ADAMTS17: variants seen among roughly 807,000 people sequenced by gnomAD.
The protein encoded by ADAMTS17 is ADAM metallopeptidase with thrombospondin type 1 motif 17, also known as A disintegrin and metalloproteinase with thrombospondin motifs 17.
A neutral mutation model predicts 141.5 loss-of-function variants in ADAMTS17; 113 were observed. The ratio of observed to expected loss-of-function variants is 0.80; its 90% confidence interval spans 0.69 to 0.93. The LOEUF is 0.93. Among genes scored for constraint, ADAMTS17 ranks in the 40% least tolerant of loss-of-function variants. ADAMTS17 has a pLI of 0.00. For synonymous variants in ADAMTS17, 768 were observed against 630.6 expected, an observed-to-expected ratio of 1.22 and a Z score of -3.27; for missense variants, 1,659 against 1,517.9, an observed-to-expected ratio of 1.09 and a Z score of -1.54.
rs527743746 is a variant in ADAMTS17 at position 100,173,655 on chromosome 15, C to T, written c.1182-18335G>A. On this transcript the variant is annotated intron_variant, in intron 8 of 21. Coordinates refer to ENST00000268070, the MANE Select transcript of ADAMTS17 (RefSeq NM_139057.4). ...CCAGACCTCTCTCTTATTCACTGGA[C>T]TCTGCAAGTGGCAAGCTACTGAGCC... Among the ~76,000 whole-genome samples, 6 of 152,362 alleles carry T rather than the reference C, an allele frequency of 3.9e-5. No homozygotes were observed. In the East Asian group the frequency reaches 7.7e-4, roughly 20 times the overall value.
rs543986466 is a variant in ADAMTS17 at position 100,065,772 on chromosome 15, T to C, written c.2138-11718A>G. Among the ~76,000 whole-genome samples, 139 of 152,314 alleles carry C rather than the reference T, an allele frequency of 9.1e-4. 1 individual carries two copies. The highest frequency in any genetic ancestry group is 1.7e-3 in the South Asian group (8 of 4,828). ...TGAATGTGCAGGTTTGTTACATATG[T>C]ATACATGTGCCATGGTGGTTTGCTG... On this transcript the variant is annotated intron_variant, in intron 15 of 21. Coordinates refer to ENST00000268070, the MANE Select transcript of ADAMTS17 (RefSeq NM_139057.4).
At chr15:100,199,269 C>T (rs1248593372) in intron 8 of ADAMTS17, 49 bp downstream of exon 8, 3 of 1,539,532 alleles carry the variant, frequency 1.9e-6, no homozygotes, top group East Asian at 4.5e-5. Context: ...AAAATCTGCA[C>T]TCAAAAAGGA....
In ADAMTS17 at chr15:100,199,376, G is replaced by A. The variant is rs1236988122; in HGVS notation, c.1123C>T (p.Leu375Phe). Residue 375 changes from leucine (L) to phenylalanine (F), a missense_variant, in exon 8 of 22, where the codon CTT becomes TTT. By Grantham distance (22) the Leu-to-Phe change is conservative. Coordinates refer to ENST00000268070, the MANE Select transcript of ADAMTS17 (RefSeq NM_139057.4). Reference sequence around the variant, plus strand: ...AAATTGAGACCATTGTCTTCGGCAAGCACACACTTCCTCTTAGCACTGCAC... The same window carrying A: ...AAATTGAGACCATTGTCTTCGGCAAACACACACTTCCTCTTAGCACTGCAC... ...GVCSAKRKCVLAEDNGLNLAF... is the reference protein window; with the variant it reads ...GVCSAKRKCVFAEDNGLNLAF... 6.2e-7 allele frequency: 1 copy of A among 1,614,086 alleles called. No individual in the cohort carries two copies. Among genetic ancestry groups the A allele is most frequent in the African/African-American group, 1.3e-5 (1 of 74,940 alleles).
At position 99,974,292 on chromosome 15, in the gene ADAMTS17, T is replaced by C. The variant is rs990860148; in HGVS notation, c.*110A>G. Reference sequence around the variant, plus strand: ...AAGTCCACGCTCATGTTCTATGTAGTTGGATTCTTGTGGCAGCCGGGTGGG... The same window carrying C: ...AAGTCCACGCTCATGTTCTATGTAGCTGGATTCTTGTGGCAGCCGGGTGGG... On this transcript the variant is annotated 3_prime_UTR_variant, in exon 22 of 22. Coordinates refer to ENST00000268070, the MANE Select transcript of ADAMTS17 (RefSeq NM_139057.4). The C allele has an allele frequency of 7.0e-7, 1 of 1,418,540 alleles. No homozygotes were observed. Among genetic ancestry groups the C allele is most frequent in the African/African-American group, 1.4e-5 (1 of 70,860 alleles). 87.9% of individuals were successfully genotyped at this position (1,418,540 alleles called of 1,614,324 possible).
chr15:100,123,906 G>A (rs1448806287), intron 12 of ADAMTS17, among the ~76,000 whole-genome samples: 1 of 152,164 alleles, frequency 6.6e-6, no homozygotes, highest in East Asian at 1.9e-4. Context: ...CAGTCATCGG[G>A]GTGTGATGGG....
intron 4 of ADAMTS17, among the ~76,000 whole-genome samples, chr15:100,267,461 C>G (rs1476776612): frequency 6.6e-6 from 1 of 152,204 alleles, no homozygotes; most frequent in African/African-American, 2.4e-5. Context: ...ATACCTCTTC[C>G]AGGCTCTGCT....
intron 8 of ADAMTS17, among the ~76,000 whole-genome samples, chr15:100,187,758 A>AGT (rs779020196): frequency 2.6e-5 from 4 of 152,200 alleles, no homozygotes; most frequent in Non-Finnish European, 5.9e-5. Flanking sequence ...GGTCCCTGGC[A>AGT]GTGAGGGTGG....
In ADAMTS17 at chr15:100,324,262, G is replaced by A. The variant is rs571558345; in HGVS notation, c.616+6627C>T. Among the ~76,000 whole-genome samples, 6 of 152,070 alleles carry A rather than the reference G, an allele frequency of 3.9e-5. No individual in the cohort carries two copies. In the South Asian group the frequency reaches 6.2e-4, roughly 16 times the overall value. On this transcript the variant is annotated intron_variant, in intron 3 of 21. Coordinates refer to ENST00000268070, the MANE Select transcript of ADAMTS17 (RefSeq NM_139057.4). ...AGATTTTGCAGTGAGCCGAGATCAC[G>A]CCACTACACTCTAGCCAGGGTGACA...
chr15:100,151,911 G>A (rs556537448), intron 10 of ADAMTS17, among the ~76,000 whole-genome samples: 11 of 152,334 alleles, frequency 7.2e-5, no homozygotes, highest in African/African-American at 2.2e-4. Context: ...TGTGCAATCA[G>A]GGGTGAATGA....
chr15:100,036,758 A>G (rs2727186), intron 18 of ADAMTS17, among the ~76,000 whole-genome samples: 1 of 151,928 alleles, frequency 6.6e-6, no homozygotes, highest in African/African-American at 2.4e-5. Flanking sequence ...CCTCATTAGC[A>G]CTAGGCACCC....
chr15:100,164,610 C>T (rs1044178624), intron 8 of ADAMTS17, among the ~76,000 whole-genome samples: 5 of 152,202 alleles, frequency 3.3e-5, no homozygotes, highest in Admixed American at 1.3e-4. Flanking sequence ...AAGCAAGTTG[C>T]AGCCCCTCGA....
chr15:100,116,468 A>C (rs1031335178), intron 13 of ADAMTS17, among the ~76,000 whole-genome samples: 1 of 152,274 alleles, frequency 6.6e-6, no homozygotes, highest in African/African-American at 2.4e-5. Context: ...TCCACATTGG[A>C]AAGCCAGAGA....
At chr15:100,165,386 GCCTCCCCCCAATGCCT>G (rs1410470651) in intron 8 of ADAMTS17, among the ~76,000 whole-genome samples, 1 of 152,146 alleles carries the variant, frequency 6.6e-6, no homozygotes, top group African/African-American at 2.4e-5. Flanking sequence ...CCCACAGCGT[GCCTCCCCCCAATGCCT>G]CCTGGGCATG....
chr15:100,210,993 CG>C (rs893331279), intron 7 of ADAMTS17, among the ~76,000 whole-genome samples: 4 of 151,746 alleles, frequency 2.6e-5, no homozygotes, highest in African/African-American at 9.7e-5. Flanking sequence ...CCCAGCTACT[CG>C]GGGGCTGAGG....
chr15:100,286,432 T>C (rs1232550874), intron 3 of ADAMTS17, among the ~76,000 whole-genome samples: 1 of 152,072 alleles, frequency 6.6e-6, no homozygotes, highest in Non-Finnish European at 1.5e-5. Flanking sequence ...ATCGAAGTGT[T>C]GGGGCCAGCA....
At chr15:99,998,535 T>C (rs1323102561) in intron 18 of ADAMTS17, among the ~76,000 whole-genome samples, 1 of 151,986 alleles carries the variant, frequency 6.6e-6, no homozygotes, top group Non-Finnish European at 1.5e-5. Flanking sequence ...ACCCAGGGGG[T>C]GGAGGTTGCA....
chr15:100,135,949 G>A (rs541925995), intron 10 of ADAMTS17, among the ~76,000 whole-genome samples: 1 of 152,182 alleles, frequency 6.6e-6, no homozygotes, highest in Non-Finnish European at 1.5e-5. Context: ...GAACAATGGG[G>A]CACAATGGGT....
At chr15:100,255,357 C>T (rs1183330547) in intron 6 of ADAMTS17, among the ~76,000 whole-genome samples, 1 of 152,158 alleles carries the variant, frequency 6.6e-6, no homozygotes, top group Non-Finnish European at 1.5e-5. Context: ...CGCTTGAGAT[C>T]CACACTTTTC....
At chr15:100,086,432 A>G (rs1163159871) in intron 15 of ADAMTS17, among the ~76,000 whole-genome samples, 1 of 151,936 alleles carries the variant, frequency 6.6e-6, no homozygotes, top group East Asian at 1.9e-4. Flanking sequence ...CATTAGACAG[A>G]TCAACGAGAC....
Sources: allele counts gnomAD v4.1 joint callset (sites outside exome capture counted in the v4.1 genomes callset), GRCh38; gene constraint gnomAD v4.1.1; transcripts MANE v1.5; gene names NCBI Gene and HGNC (gene_info 2026-07-23, HGNC 2026-07-21).